The following NECAB1 variants were observed in gnomAD, a reference collection of about 807,000 sequenced individuals.
NECAB1 encodes the protein N-terminal EF-hand calcium binding protein 1.
NECAB1 carries 29 observed loss-of-function variants against 57.5 expected under a neutral mutation model. The observed-to-expected ratio is 0.50, with a 90% CI of 0.38 to 0.69. The LOEUF is 0.69. Ranked by LOEUF, NECAB1 falls within the 30% of genes least tolerant of loss-of-function variation. The pLI is 0.00. For missense variants in NECAB1, 372 were observed against 413.8 expected, an observed-to-expected ratio of 0.90 and a Z score of 0.88; for synonymous variants, 142 against 147.7, an observed-to-expected ratio of 0.96 and a Z score of 0.28.
intron 9 of NECAB1, among the ~76,000 whole-genome samples, chr8:90,935,950 GC>G (rs1810529055): frequency 6.6e-6 from 1 of 152,122 alleles, no homozygotes. Context: ...CCTATTTCCA[GC>G]CATATATAGA....
At position 90,951,134 on chromosome 8, in the gene NECAB1, C is replaced by A; in HGVS notation, c.960C>A (p.Ser320Arg). The A allele has an allele frequency of 6.3e-7, 1 of 1,598,644 alleles. No individual in the cohort carries two copies. Among genetic ancestry groups the A allele is most frequent in the Non-Finnish European group, 8.5e-7 (1 of 1,171,940 alleles). Residue 320 changes from serine (S) to arginine (R), a missense_variant, in exon 12 of 13, where the codon AGC becomes AGA. Coordinates refer to ENST00000417640, the MANE Select transcript of NECAB1 (RefSeq NM_022351.5). ...ACAGCCACCTTCAGACAAATTATAG[C>A]AAGACATTCCAAAGAAGTAATGTGG... is the stretch of plus-strand genomic sequence containing the variant. ...VWNSHLQTNYSKTFQRSNVDF... is the reference protein window; with the variant it reads ...VWNSHLQTNYRKTFQRSNVDF...
chr8:90,915,030 A>T (rs1809918280), intron 5 of NECAB1, among the ~76,000 whole-genome samples: 1 of 152,206 alleles, frequency 6.6e-6, no homozygotes, highest in Non-Finnish European at 1.5e-5. Flanking sequence ...ATGAGAAAAG[A>T]GTAAGGACAA....
intron 3 of NECAB1, among the ~76,000 whole-genome samples, chr8:90,863,610 A>C (rs938732687): frequency 6.6e-6 from 1 of 152,216 alleles, no homozygotes; most frequent in Admixed American, 6.5e-5. Flanking sequence ...TATATATGCC[A>C]AAACAAGCCA....
chr8:90,869,395 C>T (rs1808580369), intron 3 of NECAB1, among the ~76,000 whole-genome samples: 1 of 152,194 alleles, frequency 6.6e-6, no homozygotes, highest in Non-Finnish European at 1.5e-5. Context: ...ACGAGTTTCA[C>T]TGTGTAACTG....
intron 2 of NECAB1, chr8:90,806,470 A>C (rs1266476015): frequency 1.3e-5 from 2 of 152,216 alleles, no homozygotes; most frequent in Non-Finnish European, 2.9e-5. Flanking sequence ...CAAACAAAGC[A>C]CTGTTGTTAT....
Position 90,940,789 on chromosome 8 carries a change from A to G in NECAB1, c.751A>G (p.Ile251Val), listed in dbSNP as rs1469612796. Residue 251 changes from isoleucine (I) to valine (V), a missense_variant, in exon 10 of 13, where the codon ATC (isoleucine) becomes GTC (valine). Transcript: ENST00000417640. ...ACCCTCGCCCCTTCCTTGGCAGCAC[A>G]TCATGCTTGTGCAGCGGCAGATGTC... ...EIIEGNTKSH[I>V]MLVQRQMSVI... 6.4e-7 allele frequency: 1 copy of G among 1,558,054 alleles called. No homozygotes were observed. The highest frequency in any genetic ancestry group is 8.7e-7 in the Non-Finnish European group (1 of 1,150,416).
intron 3 of NECAB1, among the ~76,000 whole-genome samples, chr8:90,858,902 A>G (rs1396274076): frequency 6.6e-6 from 1 of 152,180 alleles, no homozygotes; most frequent in Non-Finnish European, 1.5e-5. Flanking sequence ...GCAGTGACTA[A>G]CAAGCCACGA....
In NECAB1 at chr8:90,848,442, C is replaced by T. The variant is rs187285128; in HGVS notation, c.233+23617C>T. ...TTCCCCAGTTCCAAAGTCACTTCCA[C>T]ATTTTTGGGTATCTTTACAGCAGCA... On this transcript the variant is annotated intron_variant, in intron 3 of 12. Transcript: ENST00000417640. Among the ~76,000 whole-genome samples, 464 of 152,324 alleles carry T rather than the reference C, an allele frequency of 3.0e-3. 6 individuals carry two copies. Among genetic ancestry groups the T allele is most frequent in the African/African-American group, 0.011 (439 of 41,582 alleles).
At position 90,928,308 on chromosome 8, in the gene NECAB1, TTTC is replaced by T; in HGVS notation, c.693+12_693+14del. On this transcript the variant is annotated intron_variant, in intron 8 of 12. Transcript: ENST00000417640. Reference sequence around the variant, plus strand: ...ATAGACTGGAAAAGAAGGTAGGTGCTTTCTTTTCTTTATTCTCTCTTCCACTCT... The same window carrying T: ...ATAGACTGGAAAAGAAGGTAGGTGCTTTTTCTTTATTCTCTCTTCCACTCT... 6.3e-7 allele frequency: 1 copy of T among 1,582,496 alleles called. No individual in the cohort carries two copies. Among genetic ancestry groups the T allele is most frequent in the Non-Finnish European group, 8.6e-7 (1 of 1,158,786 alleles).
chr8:90,946,909 T>C (rs564378095), intron 10 of NECAB1, among the ~76,000 whole-genome samples: 4 of 152,234 alleles, frequency 2.6e-5, no homozygotes, highest in South Asian at 2.1e-4. Flanking sequence ...ATTGGGTGTA[T>C]TGCAAACTGA....
At position 90,898,747 on chromosome 8, in the gene NECAB1, G is replaced by A. The variant is rs78608321; in HGVS notation, c.357+17617G>A. Among the ~76,000 whole-genome samples, 50 of 152,332 alleles carry A rather than the reference G, an allele frequency of 3.3e-4. No homozygotes were observed. In the East Asian group the frequency reaches 9.3e-3, roughly 28 times the overall value. ...CACAGTGCATACATTATCTCAATTA[G>A]TCTTTTAGCCCAACTGCACTGAGTC... On this transcript the variant is annotated intron_variant, in intron 5 of 12. Coordinates refer to ENST00000417640, the MANE Select transcript of NECAB1 (RefSeq NM_022351.5).
At chr8:90,808,025 T>C (rs1372607074) in intron 2 of NECAB1, among the ~76,000 whole-genome samples, 1 of 152,242 alleles carries the variant, frequency 6.6e-6, no homozygotes, top group African/African-American at 2.4e-5. Flanking sequence ...TGACTTTTTT[T>C]TTCTAAAATG....
chr8:90,852,874 C>A (rs1378116151), intron 3 of NECAB1, among the ~76,000 whole-genome samples: 1 of 152,230 alleles, frequency 6.6e-6, no homozygotes, highest in East Asian at 1.9e-4. Context: ...TTTTCCTGAA[C>A]ACTGGACAAG....
chr8:90,899,561 C>A (rs1809447264), intron 5 of NECAB1, among the ~76,000 whole-genome samples: 1 of 152,108 alleles, frequency 6.6e-6, no homozygotes, highest in South Asian at 2.1e-4. Context: ...TGAGCTGGAG[C>A]AAGTTTAGAA....
chr8:90,937,836 T>C (rs1456367302), intron 9 of NECAB1, among the ~76,000 whole-genome samples: 1 of 152,204 alleles, frequency 6.6e-6, no homozygotes, highest in Admixed American at 6.5e-5. Context: ...TACACCCATA[T>C]AAAATCGACG....
intron 12 of NECAB1, among the ~76,000 whole-genome samples, chr8:90,952,574 C>T (rs1164022358): frequency 1.3e-5 from 2 of 151,866 alleles, no homozygotes; most frequent in Non-Finnish European, 2.9e-5. Flanking sequence ...GCCAGGAGCT[C>T]GAAACCAGCC....
At chr8:90,895,778 C>T (rs1019192008) in intron 5 of NECAB1, among the ~76,000 whole-genome samples, 1 of 152,230 alleles carries the variant, frequency 6.6e-6, no homozygotes, top group Non-Finnish European at 1.5e-5. Flanking sequence ...TGGAACTGGC[C>T]TGTGGCCATA....
chr8:90,957,371 T>C lies in NECAB1; in HGVS notation c.*1859T>C, dbSNP rs1166713350. On this transcript the variant is annotated 3_prime_UTR_variant, in exon 13 of 13. Coordinates refer to ENST00000417640, the MANE Select transcript of NECAB1 (RefSeq NM_022351.5). ...CTAGGCAGTTTCCAAAGTAGCATGGTAGTATTACTTGTTAAAAGGGTTCTG... is the reference window on the plus strand; with the variant it reads ...CTAGGCAGTTTCCAAAGTAGCATGGCAGTATTACTTGTTAAAAGGGTTCTG... 6.6e-6 allele frequency: 1 copy of C among 151,874 alleles called. No individual in the cohort carries two copies. The highest frequency in any genetic ancestry group is 1.5e-5 in the Non-Finnish European group (1 of 67,868). The allele number at this position is 151,874 out of a possible 1,614,324, so 9.4% of individuals were successfully genotyped here. A position where few individuals can be genotyped will look rare whatever the true frequency, so the allele number is the denominator to read the frequency against.
intron 3 of NECAB1, among the ~76,000 whole-genome samples, chr8:90,863,325 G>A (rs1382978515): frequency 1.3e-5 from 2 of 151,964 alleles, no homozygotes; most frequent in Admixed American, 6.6e-5. Flanking sequence ...AGGCATGCCA[G>A]GTTCAGAATT....
Sources: allele counts gnomAD v4.1 joint callset (sites outside exome capture counted in the v4.1 genomes callset), GRCh38; gene constraint gnomAD v4.1.1; transcripts MANE v1.5; gene names NCBI Gene and HGNC (gene_info 2026-07-23, HGNC 2026-07-21).